WDR91: variants seen among roughly 807,000 people sequenced by gnomAD.
WDR91 encodes WD repeat domain 91, also known as WD repeat-containing protein 91.
Under a neutral mutation model 88.4 loss-of-function variants are expected in WDR91, and 52 were observed. That is an observed-to-expected ratio of 0.59 (90% CI 0.47 to 0.74). WDR91 has a LOEUF of 0.74. Among genes scored for constraint, WDR91 ranks in the 30% least tolerant of loss-of-function variants. WDR91 has a pLI of 0.00. For missense variants in WDR91, 824 were observed against 954.5 expected (o/e 0.86, Z 1.80); for synonymous variants, 362 against 389.5 (o/e 0.93, Z 0.83).
Position 135,189,327 on chromosome 7 carries a change from T to G in WDR91, c.1768+17A>C. On this transcript the variant is annotated intron_variant, in intron 12 of 14. Transcript: ENST00000354475. ...AATCTAAGGAGATCAAGGATTGCTA[T>G]GAGCACACTTGCATACCAAACAGCC... is the stretch of plus-strand genomic sequence containing the variant. 6.2e-7 allele frequency: 1 copy of G among 1,607,784 alleles called. No individual in the cohort carries two copies. The highest frequency in any genetic ancestry group is 1.1e-5 in the South Asian group (1 of 90,344).
intron 11 of WDR91, among the ~76,000 whole-genome samples, chr7:135,190,323 A>G (rs1410134306): frequency 6.6e-6 from 1 of 152,246 alleles, no homozygotes; most frequent in Non-Finnish European, 1.5e-5. Context: ...AGAAAGGGAT[A>G]ACAAGAAAAC....
chr7:135,202,680 T>C (rs1831615801), intron 6 of WDR91, among the ~76,000 whole-genome samples: 1 of 152,224 alleles, frequency 6.6e-6, no homozygotes. Flanking sequence ...AATTCCATAA[T>C]TTCAAGCTCA....
chr7:135,205,372 C>T (rs1362472818), intron 5 of WDR91, among the ~76,000 whole-genome samples: 1 of 152,236 alleles, frequency 6.6e-6, no homozygotes, highest in African/African-American at 2.4e-5. Context: ...GCTGGCAGAG[C>T]TGTGCAGTTC....
chr7:135,188,489 A>C lies in WDR91; in HGVS notation c.1825T>G (p.Ser609Ala). 2 of 1,614,084 alleles carry C rather than the reference A, an allele frequency of 1.2e-6. No homozygotes were observed. Among genetic ancestry groups the C allele is most frequent in the Non-Finnish European group, 1.7e-6 (2 of 1,180,034 alleles). ...TTCTCATCATAGCTGAACTCCACAGAGTAGACCTCCCCGTAGTGGGCCCTC... is the reference window on the plus strand; with the variant it reads ...TTCTCATCATAGCTGAACTCCACAGCGTAGACCTCCCCGTAGTGGGCCCTC... ...SWRAHYGEVY[S>A]VEFSYDENTV... The change falls in exon 13 of 15, where the codon TCT (serine) becomes GCT (alanine). Residue 609 changes from serine (S) to alanine (A), a missense_variant. Transcript: ENST00000354475.
At position 135,185,884 on chromosome 7, in the gene WDR91, C is replaced by A. The variant is rs769439413; in HGVS notation, c.*267G>T. On this transcript the variant is annotated 3_prime_UTR_variant, in exon 15 of 15. Coordinates refer to ENST00000354475, the MANE Select transcript of WDR91 (RefSeq NM_014149.4). ...CACAGTAGCCACTGCAATGTTTCTC[C>A]TTCTTCCGGAGCTTTCCTCCCATAG... is the stretch of plus-strand genomic sequence containing the variant. The A allele has an allele frequency of 9.1e-6, 4 of 437,598 alleles. No individual in the cohort carries two copies. Among genetic ancestry groups the A allele is most frequent in the Non-Finnish European group, 1.6e-5 (4 of 250,148 alleles). 27.1% of individuals were successfully genotyped at this position (437,598 alleles called of 1,614,324 possible).
At chr7:135,206,701 CTA>C (rs1199766963) in intron 4 of WDR91, among the ~76,000 whole-genome samples, 6 of 151,010 alleles carry the variant, frequency 4.0e-5, no homozygotes, top group Non-Finnish European at 7.4e-5. Flanking sequence ...GGGTTATAAA[CTA>C]TATATATGTG....
At chr7:135,206,141 C>T (rs2117711398) in intron 4 of WDR91, 83 bp from the exon 5 acceptor site, 2 of 1,573,792 alleles carry the variant, frequency 1.3e-6, no homozygotes, top group African/African-American at 1.3e-5. Context: ...ACATCGCATC[C>T]AAGCCCACTG....
intron 11 of WDR91, among the ~76,000 whole-genome samples, chr7:135,191,853 C>G (rs920377158): frequency 5.3e-5 from 8 of 152,098 alleles, no homozygotes. Context: ...TTGAAAATCA[C>G]AAGTAAACAT....
At chr7:135,188,687 C>A in intron 12 of WDR91, 142 bp from the exon 13 acceptor site, 1 of 679,898 alleles carries the variant, frequency 1.5e-6, no homozygotes. Context: ...ACCCAATGAG[C>A]GCCATAAAGC....
At chr7:135,203,513 A>G (rs955650409) in intron 6 of WDR91, among the ~76,000 whole-genome samples, 13 of 152,230 alleles carry the variant, frequency 8.5e-5, no homozygotes, top group African/African-American at 3.1e-4. Flanking sequence ...ATAAGCTGAC[A>G]TCAAAAAAAG....
intron 12 of WDR91, among the ~76,000 whole-genome samples, 153 bp from the exon 13 acceptor site, chr7:135,188,698 T>G (rs1303826647): frequency 6.6e-6 from 1 of 152,212 alleles, no homozygotes; most frequent in Admixed American, 6.5e-5. Context: ...GCCATAAAGC[T>G]GCCCCTGCCC....
At chr7:135,211,336 C>T (rs768107122) in intron 1 of WDR91, 44 bp downstream of exon 1, 9 of 1,581,174 alleles carry the variant, frequency 5.7e-6, no homozygotes, top group Admixed American at 1.8e-5. Context: ...CTCCCCGGCT[C>T]CCTCGGGCCG....
intron 13 of WDR91, 155 bp downstream of exon 13, chr7:135,188,278 T>C: frequency 1.7e-6 from 1 of 599,954 alleles, no homozygotes; most frequent in Non-Finnish European, 3.0e-6. Flanking sequence ...TCGCAAAGAT[T>C]GTAAGACGAA....
At chr7:135,188,568 C>T in intron 12 of WDR91, 23 bp from the exon 13 acceptor site, 2 of 1,594,624 alleles carry the variant, frequency 1.3e-6, no homozygotes, top group Non-Finnish European at 1.7e-6. Flanking sequence ...GACACGGCCA[C>T]TCACATCCTG....
rs1239227431 is a variant in WDR91 at position 135,192,121 on chromosome 7, T to G, written c.1659+1110A>C. ...AATTTCTGTTGTGTTTTTTTTTTTT[T>G]TTTTTTTTTTTTTTGAGACAGGGTC... is the stretch of plus-strand genomic sequence containing the variant. On this transcript the variant is annotated intron_variant, in intron 11 of 14. Coordinates refer to ENST00000354475, the MANE Select transcript of WDR91 (RefSeq NM_014149.4). Among the ~76,000 whole-genome samples, 13 of 148,596 alleles carry G rather than the reference T, an allele frequency of 8.7e-5. 1 individual carries two copies. Among genetic ancestry groups the G allele is most frequent in the Admixed American group, 1.3e-4 (2 of 15,066 alleles).
chr7:135,186,887 C>T (rs778312038), intron 14 of WDR91, 85 bp downstream of exon 14: 114 of 1,517,100 alleles, frequency 7.5e-5, no homozygotes, highest in South Asian at 5.9e-4. Context: ...TAGAGGGCCT[C>T]GCTCAGTAGC....
rs1831683333 is a variant in WDR91, at chr7:135,204,343, G to T, written c.816C>A (p.Ser272Arg). Residue 272 changes from serine (S) to arginine (R), a missense_variant, in exon 6 of 15, where the codon AGC becomes AGA. Coordinates refer to ENST00000354475, the MANE Select transcript of WDR91 (RefSeq NM_014149.4). ...CCTGAGCAGGCGACAACCTTGAGGG[G>T]CTCTTCTTACTCTGAGGCAGCAGCG... ...LSSLLPQSKK[S>R]PSRLSPAQGP... 1 of 1,614,088 alleles carries T rather than the reference G, an allele frequency of 6.2e-7. No homozygotes were observed. The highest frequency in any genetic ancestry group is 1.1e-5 in the South Asian group (1 of 91,090).
intron 11 of WDR91, among the ~76,000 whole-genome samples, chr7:135,190,305 T>C (rs1831115339): frequency 1.3e-5 from 2 of 152,120 alleles, no homozygotes; most frequent in Non-Finnish European, 2.9e-5. Context: ...GAAACAAACC[T>C]ACTTCACAGA....
chr7:135,206,247 T>A (rs1831776933), intron 4 of WDR91, among the ~76,000 whole-genome samples, 189 bp from the exon 5 acceptor site: 1 of 152,156 alleles, frequency 6.6e-6, no homozygotes, highest in Non-Finnish European at 1.5e-5. Flanking sequence ...AACAATGAGG[T>A]GAGAAAACCA....
Sources: gnomAD v4.1 joint callset for allele counts (sites outside exome capture counted in the v4.1 genomes callset) on GRCh38, gnomAD v4.1.1 for gene constraint, MANE v1.5 for transcripts, NCBI Gene and HGNC (gene_info 2026-07-23, HGNC 2026-07-21) for gene names.